The following MEP1A variants were observed in gnomAD, a reference collection of about 807,000 sequenced individuals.
The protein encoded by MEP1A is N-benzoyl-L-tyrosyl-P-amino-benzoic acid hydrolase subunit alpha.
Under a neutral mutation model 84.5 loss-of-function variants are expected in MEP1A, and 68 were observed. That is an observed-to-expected ratio of 0.80 (90% CI 0.66 to 0.98). The LOEUF (loss-of-function observed/expected upper bound fraction) is 0.98. MEP1A is among the 50% of genes least tolerant of loss of function. The pLI, the probability that MEP1A is intolerant of heterozygous loss-of-function variation, is 0.00. For missense variants in MEP1A, 887 were observed against 919.9 expected (o/e 0.96, Z 0.46); for synonymous variants, 337 against 336.8 (o/e 1.00, Z -0.01).
At chr6:46,793,869 A>G (rs1210030911) in intron 3 of MEP1A, among the ~76,000 whole-genome samples, 153 bp downstream of exon 3, 1 of 152,228 alleles carries the variant, frequency 6.6e-6, no homozygotes, top group East Asian at 1.9e-4. Context: ...TCTGAAAGAT[A>G]AAAATGCGGA....
chr6:46,822,933 G>C (rs1767815449), intron 7 of MEP1A, among the ~76,000 whole-genome samples: 1 of 152,294 alleles, frequency 6.6e-6, no homozygotes, highest in Admixed American at 6.5e-5. Flanking sequence ...GAGTTACCAA[G>C]AGATTGTAGA....
Position 46,819,495 on chromosome 6 carries a change from C to G in MEP1A, c.381-34C>G. On this transcript the variant is annotated intron_variant, in intron 6 of 13. Coordinates refer to ENST00000230588, the MANE Select transcript of MEP1A (RefSeq NM_005588.3). ...TGAATGACAGCCACTTAAAAATTCTCTAGAAGAAATTTTTCCTCTTCTCCT... is the reference window on the plus strand; with the variant it reads ...TGAATGACAGCCACTTAAAAATTCTGTAGAAGAAATTTTTCCTCTTCTCCT... The G allele has an allele frequency of 1.3e-6, 2 of 1,545,800 alleles. 1 individual carries two copies. Among genetic ancestry groups the G allele is most frequent in the South Asian group, 2.4e-5 (2 of 82,494 alleles).
At chr6:46,844,439 T>C (rs749720460), downstream of MEP1A, among the ~76,000 whole-genome samples, 1 of 152,110 alleles carries the variant, frequency 6.6e-6, no homozygotes, top group African/African-American at 2.4e-5. Flanking sequence ...CAAGAACTAG[T>C]CCTGGAATCC....
chr6:46,842,014 C>A (rs1768339732), downstream of MEP1A, among the ~76,000 whole-genome samples: 1 of 152,164 alleles, frequency 6.6e-6, no homozygotes, highest in African/African-American at 2.4e-5. Flanking sequence ...TTATGCCCGT[C>A]TTTACTGCAA....
In MEP1A at chr6:46,809,537, G is replaced by A. The variant is rs1350337064; in HGVS notation, c.380G>A (p.Gly127Glu). 1 of 1,577,818 alleles carries A rather than the reference G, an allele frequency of 6.3e-7. No individual in the cohort carries two copies. The highest frequency in any genetic ancestry group is 8.7e-7 in the Non-Finnish European group (1 of 1,152,670). The change falls in exon 6 of 14, where the codon GGG (glycine) becomes GAG (glutamate). Residue 127 changes from glycine to glutamate, a missense_variant and splice_region_variant. Coordinates refer to ENST00000230588, the MANE Select transcript of MEP1A (RefSeq NM_005588.3). Reference protein sequence around the residue: ...SSYIIFQQFDGCWSEVGDQHV... With the variant: ...SSYIIFQQFDECWSEVGDQHV... ...TATATCATATTTCAACAGTTTGATG[G>A]GTTGGTATGAAATTTTACGGAGTGA...
chr6:46,837,273 A>G (rs1249343729), intron 13 of MEP1A, among the ~76,000 whole-genome samples: 1 of 152,214 alleles, frequency 6.6e-6, no homozygotes, highest in African/African-American at 2.4e-5. Context: ...CATTAATTTT[A>G]TTCAGTGGGC....
intron 7 of MEP1A, among the ~76,000 whole-genome samples, chr6:46,823,771 A>C (rs528577731): frequency 6.6e-6 from 1 of 152,212 alleles, no homozygotes; most frequent in Non-Finnish European, 1.5e-5. Flanking sequence ...AAACCTTTCC[A>C]TTAATGCAGC....
intron 13 of MEP1A, among the ~76,000 whole-genome samples, chr6:46,838,045 C>G (rs1388921298): frequency 6.6e-6 from 1 of 151,128 alleles, no homozygotes; most frequent in African/African-American, 2.5e-5. Context: ...GTGCCCACCA[C>G]CATGTCTGGC....
At chr6:46,793,523 T>A in intron 1 of MEP1A, 29 bp from the exon 2 acceptor site, 2 of 1,572,376 alleles carry the variant, frequency 1.3e-6, no homozygotes, top group Non-Finnish European at 1.7e-6. Flanking sequence ...GTATACATTA[T>A]CCATTTTCTG....
In MEP1A at chr6:46,834,520, A is replaced by C. The variant is rs555546095; in HGVS notation, c.1610-58A>C. On this transcript the variant is annotated intron_variant, in intron 11 of 13. Transcript: ENST00000230588. ...AAGCCCTGTATCCTCATTAAAGACA[A>C]ACTGGAAAGTGAAGTCTAAAGAGGT... 12 of 1,042,206 alleles carry C rather than the reference A, an allele frequency of 1.2e-5. No homozygotes were observed. In the African/African-American group the frequency reaches 1.9e-4, roughly 17 times the overall value. 64.6% of individuals were successfully genotyped at this position (1,042,206 alleles called of 1,614,324 possible).
At chr6:46,806,777 G>A (rs1449293357) in intron 5 of MEP1A, among the ~76,000 whole-genome samples, 1 of 151,978 alleles carries the variant, frequency 6.6e-6, no homozygotes, top group Non-Finnish European at 1.5e-5. Context: ...TTAAAACTCA[G>A]CCCCAAACTT....
At chr6:46,836,004 T>C (rs1049578386) in intron 13 of MEP1A, among the ~76,000 whole-genome samples, 1 of 152,212 alleles carries the variant, frequency 6.6e-6, no homozygotes, top group African/African-American at 2.4e-5. Flanking sequence ...TCAATAATAG[T>C]AGTAAGAACA....
downstream of MEP1A, among the ~76,000 whole-genome samples, chr6:46,840,567 C>T (rs1388137509): frequency 5.3e-5 from 8 of 152,190 alleles, no homozygotes; most frequent in Non-Finnish European, 4.4e-5. Flanking sequence ...AGCCAAGCAT[C>T]CTGGCTGCAG....
chr6:46,819,640 C>T lies in MEP1A; in HGVS notation c.492C>T (p.Tyr164=). ...AGATCCTGCATGCTTTGGGATTTTA[C>T]CACGAGCAGTCAAGGACGGACCGGG... ...EHEILHALGF[Y]HEQSRTDRDD... is the part of the protein sequence containing the mutation. The change falls in exon 7 of 14, where the codon TAC becomes TAT. Residue 164 remains tyrosine, a synonymous_variant. Coordinates refer to ENST00000230588, the MANE Select transcript of MEP1A (RefSeq NM_005588.3). The T allele has an allele frequency of 1.2e-6, 2 of 1,614,112 alleles. No individual in the cohort carries two copies. The highest frequency in any genetic ancestry group is 1.7e-6 in the Non-Finnish European group (2 of 1,179,982).
At position 46,799,775 on chromosome 6, in the gene MEP1A, G is replaced by A. The variant is rs140587508; in HGVS notation, c.262+594G>A. Among the ~76,000 whole-genome samples, 948 of 152,234 alleles carry A rather than the reference G, an allele frequency of 6.2e-3. 9 individuals are homozygous for A. The highest frequency in any genetic ancestry group is 0.022 in the African/African-American group (894 of 41,542). ...AAGGTTGCATATAGAACTAGCAACT[G>A]GTAGAAATAAGTAAATATTAGAAGC... On this transcript the variant is annotated intron_variant, in intron 5 of 13. Transcript: ENST00000230588.
At chr6:46,844,523 G>A (rs1475430894), downstream of MEP1A, among the ~76,000 whole-genome samples, 3 of 152,074 alleles carry the variant, frequency 2.0e-5, no homozygotes, top group East Asian at 5.8e-4. Flanking sequence ...AGGACAAATT[G>A]ACCCATGTGT....
At chr6:46,824,536 T>A (rs1312496361) in intron 7 of MEP1A, among the ~76,000 whole-genome samples, 2 of 141,250 alleles carry the variant, frequency 1.4e-5, no homozygotes, top group Non-Finnish European at 3.0e-5. Context: ...TAAATTATCA[T>A]CTATTTAATA....
At position 46,793,626 on chromosome 6, in the gene MEP1A, C is replaced by T. The variant is rs765777115; in HGVS notation, c.95-40C>T. The T allele has an allele frequency of 1.6e-5, 26 of 1,578,750 alleles. No homozygotes were observed. The Admixed American group carries it at 2.1e-4, about 13-fold the overall frequency. On this transcript the variant is annotated intron_variant, in intron 2 of 13. Transcript: ENST00000230588. ...AGAGTGTTTTTGAACTTTTTTCCTT[C>T]GGCAAGACTAATAATAATTTTTTTT... is the stretch of plus-strand genomic sequence containing the variant.
chr6:46,799,025 C>T, intron 4 of MEP1A, 81 bp from the exon 5 acceptor site: 1 of 854,438 alleles, frequency 1.2e-6, no homozygotes, highest in South Asian at 1.4e-5. Flanking sequence ...ACTGTTTGCT[C>T]TGTGAGAGTT....
Sources: gnomAD v4.1 joint callset for allele counts (sites outside exome capture counted in the v4.1 genomes callset) on GRCh38, gnomAD v4.1.1 for gene constraint, MANE v1.5 for transcripts, NCBI Gene and HGNC (gene_info 2026-07-23, HGNC 2026-07-21) for gene names.